Variants in SLC17A5 observed in about 807,000 individuals in gnomAD.
SLC17A5 encodes sialin.
A neutral mutation model predicts 59.4 loss-of-function variants in SLC17A5; 47 were observed. The ratio of observed to expected loss-of-function variants is 0.79; its 90% CI spans 0.63 to 1.01. SLC17A5 has a LOEUF of 1.01. SLC17A5 is among the 50% of genes least tolerant of loss of function. The pLI is 0.00. For missense variants in SLC17A5, 522 were observed against 595.5 expected (o/e 0.88, Z 1.28); for synonymous variants, 202 against 210.7 (o/e 0.96, Z 0.36).
At chr6:73,620,990 T>G in intron 7 of SLC17A5, among the ~76,000 whole-genome samples, 1 of 151,406 alleles carries the variant, frequency 6.6e-6, no homozygotes, top group East Asian at 1.9e-4. Flanking sequence ...CCTCCCAAAG[T>G]GCTGGGATTA....
chr6:73,642,008 T>C (rs557795279), intron 2 of SLC17A5, 84 bp from the exon 3 acceptor site: 2 of 1,216,484 alleles, frequency 1.6e-6, no homozygotes, highest in Admixed American at 1.7e-5. Flanking sequence ...TAAGTACATA[T>C]AAATGAGATT....
intron 10 of SLC17A5, among the ~76,000 whole-genome samples, chr6:73,599,361 C>G (rs1192069205): frequency 6.6e-6 from 1 of 152,094 alleles, no homozygotes; most frequent in Non-Finnish European, 1.5e-5. Flanking sequence ...CAGGTACAAA[C>G]CACACCCAGC....
rs181270620 is a variant in SLC17A5 at position 73,614,188 on chromosome 6, G to C, written c.1111+1127C>G. 8.5e-4 allele frequency among the ~76,000 whole-genome samples: 130 copies of C among 152,198 alleles called. 1 individual carries two copies. The East Asian group carries it at 0.023, about 27-fold the overall frequency. On this transcript the variant is annotated intron_variant, in intron 8 of 10. Coordinates refer to ENST00000355773, the MANE Select transcript of SLC17A5 (RefSeq NM_012434.5). Reference sequence around the variant, plus strand: ...GGCTGAGGTGGGAGGATCACCTGAGGCTGAGGAGGTTGAGGCTGCAGTGAG... The same window carrying C: ...GGCTGAGGTGGGAGGATCACCTGAGCCTGAGGAGGTTGAGGCTGCAGTGAG...
At chr6:73,638,330 C>T (rs1197510990) in intron 4 of SLC17A5, 82 bp downstream of exon 4, 3 of 949,216 alleles carry the variant, frequency 3.2e-6, no homozygotes, top group South Asian at 1.4e-5. Flanking sequence ...AACATTGCAT[C>T]GTTCTGGTAT....
At chr6:73,607,666 C>T (rs1006173196) in intron 9 of SLC17A5, among the ~76,000 whole-genome samples, 1 of 152,152 alleles carries the variant, frequency 6.6e-6, no homozygotes, top group Non-Finnish European at 1.5e-5. Context: ...TCTAATAAGA[C>T]TTCAGGAACC....
intron 6 of SLC17A5, among the ~76,000 whole-genome samples, chr6:73,634,668 G>A (rs1768916811): frequency 6.6e-6 from 1 of 152,194 alleles, no homozygotes; most frequent in Non-Finnish European, 1.5e-5. Flanking sequence ...CCAAAGTGCT[G>A]GGATTACAGG....
chr6:73,610,339 T>C, intron 9 of SLC17A5, 61 bp downstream of exon 9: 2 of 1,594,934 alleles, frequency 1.3e-6, no homozygotes, highest in African/African-American at 1.3e-5. Flanking sequence ...TGGCCTTTTA[T>C]CAGGATTTTT....
chr6:73,645,824 A>G (rs1769531419), intron 1 of SLC17A5, among the ~76,000 whole-genome samples: 1 of 148,868 alleles, frequency 6.7e-6, no homozygotes, highest in Admixed American at 6.6e-5. Context: ...AATGCAGAGT[A>G]GGTTGGAGGA....
At chr6:73,604,264 G>C (rs1767295706) in intron 9 of SLC17A5, among the ~76,000 whole-genome samples, 1 of 152,056 alleles carries the variant, frequency 6.6e-6, no homozygotes, top group African/African-American at 2.4e-5. Flanking sequence ...TCAGCAACAA[G>C]AAGCTCATTC....
intron 1 of SLC17A5, 72 bp from the exon 2 acceptor site, chr6:73,644,675 T>C (rs1225884581): frequency 1.3e-5 from 18 of 1,418,010 alleles, no homozygotes; most frequent in Non-Finnish European, 1.6e-5. Flanking sequence ...TTTTGCCATG[T>C]TGCTTAGGCT....
At chr6:73,607,268 T>C (rs1156501700) in intron 9 of SLC17A5, among the ~76,000 whole-genome samples, 1 of 150,608 alleles carries the variant, frequency 6.6e-6, no homozygotes, top group Non-Finnish European at 1.5e-5. Context: ...TTTTCATCTT[T>C]TGACAATAGC....
chr6:73,602,113 G>C (rs1260616540), intron 9 of SLC17A5, among the ~76,000 whole-genome samples: 1 of 151,676 alleles, frequency 6.6e-6, no homozygotes, highest in Non-Finnish European at 1.5e-5. Context: ...CTTCTGCCTT[G>C]GGATCCTGTT....
At chr6:73,617,080 C>T (rs553886446) in intron 7 of SLC17A5, among the ~76,000 whole-genome samples, 2 of 151,654 alleles carry the variant, frequency 1.3e-5, no homozygotes, top group Non-Finnish European at 2.9e-5. Flanking sequence ...CACTTGAGGA[C>T]GGGGCTCAAG....
intron 9 of SLC17A5, among the ~76,000 whole-genome samples, chr6:73,605,053 C>T (rs1767331403): frequency 6.6e-6 from 1 of 150,880 alleles, no homozygotes; most frequent in African/African-American, 2.4e-5. Context: ...CTATATTGCC[C>T]AGGCAGGTCT....
intron 7 of SLC17A5, among the ~76,000 whole-genome samples, chr6:73,616,439 C>T (rs957651523): frequency 3.3e-5 from 5 of 152,008 alleles, no homozygotes; most frequent in African/African-American, 1.2e-4. Flanking sequence ...CTCTTTAAAT[C>T]TGTAAGTTCC....
Position 73,600,413 on chromosome 6 carries a change from T to C in SLC17A5, c.1288A>G (p.Asn430Asp). Residue 430 changes from asparagine (N) to aspartate (D), a missense_variant, in exon 10 of 11, where the codon AAT becomes GAT. Asn to Asp is a conservative substitution (Grantham distance 23). Coordinates refer to ENST00000355773, the MANE Select transcript of SLC17A5 (RefSeq NM_012434.5). ...SYAGILLGIT[N>D]TFATIPGMVG... Reference sequence around the variant, plus strand: ...ATTCCTGGAATAGTGGCAAATGTATTTGTGATGCCCAGGAGGATACCAGCA... The same window carrying C: ...ATTCCTGGAATAGTGGCAAATGTATCTGTGATGCCCAGGAGGATACCAGCA... 3.1e-6 allele frequency: 5 copies of C among 1,614,114 alleles called. No individual in the cohort carries two copies. Among genetic ancestry groups the C allele is most frequent in the Non-Finnish European group, 4.2e-6 (5 of 1,179,958 alleles).
intron 10 of SLC17A5, among the ~76,000 whole-genome samples, 199 bp from the exon 11 acceptor site, chr6:73,595,413 TACA>T (rs922800110): frequency 1.1e-4 from 17 of 152,216 alleles, no homozygotes; most frequent in Non-Finnish European, 2.2e-4. Flanking sequence ...GAGAATGGGC[TACA>T]ACATCATAAA....
chr6:73,618,143 C>T (rs1326717716), intron 7 of SLC17A5, among the ~76,000 whole-genome samples: 3 of 151,792 alleles, frequency 2.0e-5, no homozygotes, highest in South Asian at 2.1e-4. Flanking sequence ...AGAGGAGAAT[C>T]GCTTGAACCC....
intron 1 of SLC17A5, chr6:73,653,496 GCTCCCCCGCCCCCGCCCC>G (rs1769966178): frequency 1.2e-5 from 12 of 977,694 alleles, no homozygotes; most frequent in Non-Finnish European, 1.5e-5. Context: ...CTGCACCGCC[GCTCCCCCGCCCCCGCCCC>G]CGCCCCCGCC....
Sources: gnomAD v4.1 joint callset for allele counts (sites outside exome capture counted in the v4.1 genomes callset) on GRCh38, gnomAD v4.1.1 for gene constraint, MANE v1.5 for transcripts, NCBI Gene and HGNC (gene_info 2026-07-23, HGNC 2026-07-21) for gene names.